Variants in KCND2 observed in about 807,000 individuals in gnomAD.
The protein encoded by KCND2 is potassium voltage-gated channel subfamily D member 2.
A neutral mutation model predicts 54.4 loss-of-function variants in KCND2; 16 were observed. That is an observed-to-expected ratio of 0.29 (90% CI 0.20 to 0.45). The LOEUF (loss-of-function observed/expected upper bound fraction) is 0.45. Ranked by LOEUF, KCND2 falls within the 20% of genes least tolerant of loss-of-function variation. The probability of loss-of-function intolerance (pLI) is 1.00; values close to 1 mark genes in which losing one functional copy is unlikely to be tolerated. For synonymous variants in KCND2, 317 were observed against 310.7 expected, an observed-to-expected ratio of 1.02 and a Z score of -0.21; for missense variants, 486 against 824.2, an observed-to-expected ratio of 0.59 and a Z score of 5.02.
intron 1 of KCND2, among the ~76,000 whole-genome samples, chr7:120,683,809 AT>A (rs200883767): frequency 1.5e-4 from 23 of 150,060 alleles, no homozygotes; most frequent in Admixed American, 7.3e-4. Context: ...AAACTCTTTC[AT>A]TTTTTTTTTC....
intron 1 of KCND2, among the ~76,000 whole-genome samples, chr7:120,471,583 C>G (rs1802455366): frequency 6.6e-6 from 1 of 152,094 alleles, no homozygotes. Flanking sequence ...GAGCTCTTTA[C>G]TGTCACTGCC....
rs115255080 is a variant in KCND2 at position 120,318,554 on chromosome 7, G to A, written c.1115+42807G>A. Among the ~76,000 whole-genome samples, 713 of 152,112 alleles carry A rather than the reference G, an allele frequency of 4.7e-3. 2 individuals are homozygous for A. Among genetic ancestry groups the A allele is most frequent in the African/African-American group, 0.016 (665 of 41,556 alleles). On this transcript the variant is annotated intron_variant, in intron 1 of 5. Coordinates refer to ENST00000331113, the MANE Select transcript of KCND2 (RefSeq NM_012281.3). ...GGCAACATATTTATTTGCTTTGATA[G>A]CATTGTTACTTGTTCATTTGGCCTG...
intron 1 of KCND2, among the ~76,000 whole-genome samples, chr7:120,684,013 C>T (rs1792171196): frequency 6.6e-6 from 1 of 152,026 alleles, no homozygotes; most frequent in Admixed American, 6.6e-5. Flanking sequence ...CTTACTTGAG[C>T]CATTGGGATA....
intron 1 of KCND2, among the ~76,000 whole-genome samples, chr7:120,535,713 C>T (rs145875628): frequency 2.9e-4 from 44 of 152,170 alleles, no homozygotes; most frequent in African/African-American, 9.4e-4. Context: ...GACAGCAATA[C>T]GTTGATATTT....
intron 1 of KCND2, among the ~76,000 whole-genome samples, chr7:120,562,207 G>T (rs1281130422): frequency 6.6e-6 from 1 of 152,118 alleles, no homozygotes; most frequent in Non-Finnish European, 1.5e-5. Flanking sequence ...GAGAAATGGG[G>T]TTCCCTGAAG....
At chr7:120,351,644 C>T (rs77673059) in intron 1 of KCND2, among the ~76,000 whole-genome samples, 5,279 of 151,970 alleles carry the variant, frequency 0.035, 139 homozygotes, top group Middle Eastern at 0.085. Context: ...TAAATGTAGA[C>T]CTGGTAGGCA....
intron 1 of KCND2, among the ~76,000 whole-genome samples, chr7:120,587,680 A>T (rs1313656542): frequency 2.0e-5 from 3 of 152,300 alleles, no homozygotes; most frequent in Admixed American, 2.0e-4. Flanking sequence ...ATGAAAAACC[A>T]CCACTTTCAG....
At chr7:120,383,887 G>A (rs1158272217) in intron 1 of KCND2, among the ~76,000 whole-genome samples, 3 of 152,040 alleles carry the variant, frequency 2.0e-5, no homozygotes, top group African/African-American at 7.2e-5. Flanking sequence ...AGAAAGACTG[G>A]ATTAGTGAGA....
Position 120,382,515 on chromosome 7 carries a change from C to T in KCND2, c.1115+106768C>T, listed in dbSNP as rs571863761. ...TGATTTTTGAAAAATCTTACTGGCA[C>T]ATGTTGATAAAATTTTACTTTAGAG... On this transcript the variant is annotated intron_variant, in intron 1 of 5. Coordinates refer to ENST00000331113, the MANE Select transcript of KCND2 (RefSeq NM_012281.3). Among the ~76,000 whole-genome samples, 4 of 151,916 alleles carry T rather than the reference C, an allele frequency of 2.6e-5. No homozygotes were observed. In the East Asian group the frequency reaches 5.8e-4, roughly 22 times the overall value.
At chr7:120,713,442 G>A (rs1418350280) in intron 1 of KCND2, among the ~76,000 whole-genome samples, 1 of 152,130 alleles carries the variant, frequency 6.6e-6, no homozygotes, top group African/African-American at 2.4e-5. Context: ...CTTGACCACA[G>A]GTCTTCTGAT....
At chr7:120,546,156 C>T (rs1408942887) in intron 1 of KCND2, among the ~76,000 whole-genome samples, 1 of 151,872 alleles carries the variant, frequency 6.6e-6, no homozygotes, top group African/African-American at 2.4e-5. Flanking sequence ...CTGTCTACCC[C>T]TCCATGGGAC....
chr7:120,677,077 A>G (rs754715735), intron 1 of KCND2, among the ~76,000 whole-genome samples: 2 of 152,232 alleles, frequency 1.3e-5, no homozygotes, highest in African/African-American at 2.4e-5. Flanking sequence ...GAAAACTGCT[A>G]TTCTTAATCT....
chr7:120,741,570 G>A lies in KCND2; in HGVS notation c.1315G>A (p.Gly439Arg), dbSNP rs764312490. ...GGCCAGGATCCGGGCAGCCAAAAGC[G>A]GAAGCGCAAATGCTTACATGCAGAG... ...RLARIRAAKS[G>R]SANAYMQSKR... is the part of the protein sequence containing the mutation. Residue 439 changes from glycine to arginine, a missense_variant, in exon 3 of 6, where the codon GGA (glycine) becomes AGA (arginine). Gly to Arg is a moderately radical substitution (Grantham distance 125). Around this residue, in one of 7 missense-constraint regions of KCND2, gnomAD observed 202 missense variants for 252.7 expected, o/e 0.80. Coordinates refer to ENST00000331113, the MANE Select transcript of KCND2 (RefSeq NM_012281.3). 10 of 1,613,184 alleles carry A rather than the reference G, an allele frequency of 6.2e-6. No individual in the cohort carries two copies. The highest frequency in any genetic ancestry group is 2.7e-5 in the African/African-American group (2 of 74,864).
At chr7:120,521,670 A>G (rs1473062128) in intron 1 of KCND2, among the ~76,000 whole-genome samples, 1 of 152,196 alleles carries the variant, frequency 6.6e-6, no homozygotes, top group Non-Finnish European at 1.5e-5. Context: ...AATGAAGAAA[A>G]TATAGGAAAG....
chr7:120,289,077 C>CACACAG (rs1390882800), intron 1 of KCND2, among the ~76,000 whole-genome samples: 12 of 20,948 alleles, frequency 5.7e-4, no homozygotes, highest in African/African-American at 6.5e-4. Context: ...CACACACACA[C>CACACAG]AGAGAGAGAG....
In KCND2 at chr7:120,714,064, A is replaced by G. The variant is rs1019226331; in HGVS notation, c.1116-18839A>G. On this transcript the variant is annotated intron_variant, in intron 1 of 5. Coordinates refer to ENST00000331113, the MANE Select transcript of KCND2 (RefSeq NM_012281.3). ...TCTTTTACAGTGCCCAGTTGAGCAC[A>G]TCAATTATTATTTAATCTCTAATGA... is the stretch of plus-strand genomic sequence containing the variant. Among the ~76,000 whole-genome samples the G allele has an allele frequency of 8.5e-5, 13 of 152,298 alleles. No individual in the cohort carries two copies. In the East Asian group the frequency reaches 1.4e-3, roughly 16 times the overall value.
chr7:120,677,524 T>C (rs187336358), intron 1 of KCND2, among the ~76,000 whole-genome samples: 1 of 128,976 alleles, frequency 7.8e-6, no homozygotes, highest in Admixed American at 7.4e-5. Flanking sequence ...CAAATATATA[T>C]ATATAGATAT....
At chr7:120,714,063 C>T (rs1792573339) in intron 1 of KCND2, among the ~76,000 whole-genome samples, 1 of 152,124 alleles carries the variant, frequency 6.6e-6, no homozygotes, top group Admixed American at 6.6e-5. Flanking sequence ...CAGTTGAGCA[C>T]ATCAATTATT....
intron 1 of KCND2, among the ~76,000 whole-genome samples, chr7:120,480,430 T>C (rs1002970419): frequency 6.6e-6 from 1 of 152,226 alleles, no homozygotes; most frequent in African/African-American, 2.4e-5. Flanking sequence ...GAGATTACCA[T>C]GATTTTTGAC....
Sources: allele counts gnomAD v4.1 joint callset (sites outside exome capture counted in the v4.1 genomes callset), GRCh38; gene constraint gnomAD v4.1.1; regional missense constraint gnomAD v4.1.1; transcripts MANE v1.5; gene names NCBI Gene and HGNC (gene_info 2026-07-23, HGNC 2026-07-21).